The following FOXP2 variants were observed in gnomAD, a reference collection of about 807,000 sequenced individuals.
FOXP2 encodes the protein forkhead box protein P2.
In FOXP2, 12 loss-of-function variants were observed where a neutral mutation model predicts 115.8. The observed-to-expected ratio is 0.10, with a 90% confidence interval of 0.07 to 0.17. FOXP2 has a LOEUF of 0.17. FOXP2 is among the 10% of genes least tolerant of loss of function. The pLI, the probability that FOXP2 is intolerant of heterozygous loss-of-function variation, is 1.00. For synonymous variants in FOXP2, 328 were observed against 297.7 expected, an observed-to-expected ratio of 1.10 and a Z score of -1.05; for missense variants, 629 against 843.5, an observed-to-expected ratio of 0.75 and a Z score of 3.15.
chr7:114,501,420 C>G (rs1466844342), intron 2 of FOXP2, among the ~76,000 whole-genome samples: 1 of 152,098 alleles, frequency 6.6e-6, no homozygotes, highest in Non-Finnish European at 1.5e-5. Flanking sequence ...CTGCGGTTCA[C>G]TAGCCTTAGG....
intron 1 of FOXP2, among the ~76,000 whole-genome samples, chr7:114,105,987 C>T (rs1791101783): frequency 6.6e-6 from 1 of 151,962 alleles, no homozygotes; most frequent in African/African-American, 2.4e-5. Flanking sequence ...AAAGCAGAAA[C>T]GATGTCTTCT....
At chr7:114,180,847 CTTAA>C (rs1447646677) in intron 1 of FOXP2, among the ~76,000 whole-genome samples, 6 of 151,938 alleles carry the variant, frequency 3.9e-5, no homozygotes, top group Non-Finnish European at 8.8e-5. Flanking sequence ...GCAATGATCT[CTTAA>C]TTGGTTTACT....
chr7:114,624,717 ACCT>A (rs1387132653), intron 3 of FOXP2, among the ~76,000 whole-genome samples: 5 of 151,506 alleles, frequency 3.3e-5, no homozygotes, highest in East Asian at 1.9e-4. Context: ...AACTTTTTTG[ACCT>A]CCTCAATGAC....
chr7:114,687,228 T>C (rs1194881411), intron 16 of FOXP2, among the ~76,000 whole-genome samples: 3 of 152,286 alleles, frequency 2.0e-5, no homozygotes, highest in South Asian at 4.1e-4. Context: ...ACAAATCCAG[T>C]TGGAGCATAG....
At chr7:114,536,405 T>G (rs1361577729) in intron 3 of FOXP2, among the ~76,000 whole-genome samples, 1 of 141,236 alleles carries the variant, frequency 7.1e-6, no homozygotes. Flanking sequence ...TTCTTTTTTT[T>G]TTTTTTTTTT....
chr7:114,211,126 A>C lies in FOXP2; in HGVS notation c.-102+48038A>C, dbSNP rs1794335210. ...TGGAATTTCAGGCCAGTGGGTCTTA[A>C]CTTACGAGGTGCCGTGGAATTGGGG... On this transcript the variant is annotated intron_variant, in intron 1 of 17. Coordinates refer to the FOXP2 transcript ENST00000634411. Among the ~76,000 whole-genome samples the C allele has an allele frequency of 1.3e-5, 2 of 152,166 alleles. 1 individual carries two copies. The highest frequency in any genetic ancestry group is 4.1e-4 in the South Asian group (2 of 4,826).
At chr7:114,100,508 A>G (rs1158427806) in intron 1 of FOXP2, among the ~76,000 whole-genome samples, 2 of 152,192 alleles carry the variant, frequency 1.3e-5, no homozygotes, top group Admixed American at 6.5e-5. Context: ...TTATTCTTAA[A>G]GTAAGATTTG....
chr7:114,220,013 C>T (rs564632382), intron 1 of FOXP2, among the ~76,000 whole-genome samples: 28 of 151,282 alleles, frequency 1.9e-4, no homozygotes, highest in African/African-American at 6.3e-4. Context: ...ACTACAGGCG[C>T]GCACCACCAT....
intron 1 of FOXP2, among the ~76,000 whole-genome samples, chr7:114,097,016 A>G (rs1196355495): frequency 2.0e-5 from 3 of 152,190 alleles, no homozygotes; most frequent in African/African-American, 7.2e-5. Context: ...TTTATTGTAG[A>G]AATTATGCTG....
At chr7:114,486,360 C>A (rs896040806) in intron 2 of FOXP2, among the ~76,000 whole-genome samples, 1 of 152,072 alleles carries the variant, frequency 6.6e-6, no homozygotes, top group African/African-American at 2.4e-5. Flanking sequence ...GAAAAACCCA[C>A]CCCCATGACT....
intron 1 of FOXP2, among the ~76,000 whole-genome samples, chr7:114,149,565 T>C (rs1443155169): frequency 1.3e-5 from 2 of 151,952 alleles, no homozygotes; most frequent in South Asian, 2.1e-4. Flanking sequence ...TTAATTACCA[T>C]CAAAGAGTTA....
chr7:114,203,640 G>A (rs1409573953), intron 1 of FOXP2, among the ~76,000 whole-genome samples: 1 of 152,066 alleles, frequency 6.6e-6, no homozygotes, highest in Admixed American at 6.6e-5. Flanking sequence ...CACCATGCCT[G>A]GCAGCACCTG....
intron 2 of FOXP2, among the ~76,000 whole-genome samples, chr7:114,396,007 A>G (rs551279061): frequency 6.6e-6 from 1 of 152,252 alleles, no homozygotes; most frequent in East Asian, 1.9e-4. Flanking sequence ...CCTTTGTGTT[A>G]TAAACAATCC....
At chr7:114,653,676 A>G (rs1218096341) in intron 9 of FOXP2, among the ~76,000 whole-genome samples, 2 of 152,144 alleles carry the variant, frequency 1.3e-5, no homozygotes, top group African/African-American at 2.4e-5. Flanking sequence ...TGTGACCTCA[A>G]TTCTCTTATT....
In FOXP2 at chr7:114,423,233, T is replaced by A. The variant is rs917848984; in HGVS notation, c.-10-3269T>A. 1.8e-4 allele frequency among the ~76,000 whole-genome samples: 28 copies of A among 151,832 alleles called. No individual in the cohort carries two copies. The East Asian group carries it at 5.4e-3, about 30-fold the overall frequency. On this transcript the variant is annotated intron_variant, in intron 1 of 16. Coordinates refer to ENST00000350908, the MANE Select transcript of FOXP2 (RefSeq NM_014491.4). The stretch of plus-strand genomic sequence containing the variant: ...ACAACACAATTCTGCAAGTAAATAT[T>A]GTTACACTAAGTAACCTTTCAATTC...
At chr7:114,336,202 T>C (rs763591903) in intron 2 of FOXP2, among the ~76,000 whole-genome samples, 2 of 151,410 alleles carry the variant, frequency 1.3e-5, no homozygotes, top group Non-Finnish European at 3.0e-5. Flanking sequence ...AAAAATACTT[T>C]GCACAATTTT....
intron 3 of FOXP2, among the ~76,000 whole-genome samples, chr7:114,581,110 C>T (rs1466439858): frequency 1.3e-5 from 2 of 149,400 alleles, no homozygotes; most frequent in East Asian, 3.9e-4. Context: ...CACACACAAG[C>T]ACACGGACAG....
At chr7:114,652,640 T>G (rs1023818657) in intron 9 of FOXP2, among the ~76,000 whole-genome samples, 9 of 152,138 alleles carry the variant, frequency 5.9e-5, no homozygotes, top group Non-Finnish European at 1.2e-4. Context: ...TGAGCTAACC[T>G]TGATTTTTTT....
At chr7:114,294,772 C>T (rs959944474) in intron 2 of FOXP2, among the ~76,000 whole-genome samples, 2 of 151,872 alleles carry the variant, frequency 1.3e-5, no homozygotes, top group African/African-American at 4.8e-5. Context: ...ACCCGGGAGG[C>T]GGAGGTTGCA....
Sources: gnomAD v4.1 joint callset for allele counts (sites outside exome capture counted in the v4.1 genomes callset) on GRCh38, gnomAD v4.1.1 for gene constraint, MANE v1.5 for transcripts, NCBI Gene and HGNC (gene_info 2026-07-23, HGNC 2026-07-21) for gene names.